Variants in LRBA observed in about 807,000 individuals in gnomAD.
LRBA encodes LPS responsive beige-like anchor protein.
LRBA carries 176 observed loss-of-function variants against 330.0 expected under a neutral mutation model. The ratio of observed to expected loss-of-function variants is 0.53; its 90% CI spans 0.47 to 0.60. The LOEUF (loss-of-function observed/expected upper bound fraction) is 0.60. LRBA is among the 20% of genes least tolerant of loss of function. The pLI, the probability that LRBA is intolerant of heterozygous loss-of-function variation, is 0.00. For missense variants in LRBA, 3,259 were observed against 3,444.8 expected, an observed-to-expected ratio of 0.95 and a Z score of 1.35; for synonymous variants, 1,230 against 1,193.0, an observed-to-expected ratio of 1.03 and a Z score of -0.64.
At chr4:150,891,747 TGTTTCCCTGGA>T (rs1729492289) in intron 17 of LRBA, among the ~76,000 whole-genome samples, 1 of 152,218 alleles carries the variant, frequency 6.6e-6, no homozygotes, top group Non-Finnish European at 1.5e-5. Context: ...CTATTGGTTC[TGTTTCCCTGGA>T]GAACTCTGAA....
intron 42 of LRBA, among the ~76,000 whole-genome samples, chr4:150,483,407 G>A (rs1206553817): frequency 6.7e-6 from 1 of 149,232 alleles, no homozygotes; most frequent in East Asian, 2.0e-4. Flanking sequence ...TAAGTCTTTT[G>A]TTTTTTTTTC....
intron 40 of LRBA, among the ~76,000 whole-genome samples, chr4:150,523,878 T>A (rs1420234987): frequency 2.0e-5 from 3 of 152,130 alleles, no homozygotes; most frequent in Non-Finnish European, 4.4e-5. Context: ...ACAATCTCTG[T>A]CACTTCTGGG....
chr4:150,911,802 C>T (rs892940391), intron 9 of LRBA, among the ~76,000 whole-genome samples: 10 of 152,118 alleles, frequency 6.6e-5, no homozygotes, highest in African/African-American at 2.4e-4. Context: ...GAGCATTCTC[C>T]AGTGAAGCCA....
chr4:150,397,156 C>A (rs1744845791), intron 47 of LRBA, among the ~76,000 whole-genome samples: 1 of 152,040 alleles, frequency 6.6e-6, no homozygotes, highest in South Asian at 2.1e-4. Flanking sequence ...CTAAATTTTT[C>A]TTTTCTCCGA....
rs1255278963 is a variant in LRBA, at chr4:150,914,351, A to G, written c.1015-10T>C. ...AACATTTGTCAAAGGTCTGTAAAAG[A>G]AAAAAAAAAAGGAATTAGGAAAAAA... On this transcript the variant is annotated splice_polypyrimidine_tract_variant and intron_variant, in intron 8 of 56. Coordinates refer to ENST00000651943, the MANE Select transcript of LRBA (RefSeq NM_001364905.1). 1 of 763,166 alleles carries G rather than the reference A, an allele frequency of 1.3e-6. No individual in the cohort carries two copies. The allele number at this position is 763,166 out of a possible 1,614,324, so 47.3% of individuals were successfully genotyped here. A position where few individuals can be genotyped will look rare whatever the true frequency, so the allele number is the denominator to read the frequency against.
At chr4:150,342,421 T>C (rs1735716256) in intron 48 of LRBA, among the ~76,000 whole-genome samples, 1 of 152,174 alleles carries the variant, frequency 6.6e-6, no homozygotes, top group Non-Finnish European at 1.5e-5. Flanking sequence ...AAGACTATAT[T>C]CTTAAGTTGG....
At chr4:150,914,068 G>T in intron 9 of LRBA, 127 bp downstream of exon 9, 3 of 648,252 alleles carry the variant, frequency 4.6e-6, no homozygotes, top group Non-Finnish European at 7.8e-6. Flanking sequence ...CCCTGCTGTG[G>T]TATCAAATAG....
chr4:150,887,769 AAAAAAAAAAAAAAAAAAGAAAG>A (rs1316780938), intron 17 of LRBA, among the ~76,000 whole-genome samples: 4 of 4,736 alleles, frequency 8.4e-4, no homozygotes, highest in Non-Finnish European at 4.4e-3. Context: ...ACTCCGTCTC[AAAAAAAAAAAAAAAAAAGAAAG>A]AAAAAAAAAA....
chr4:150,569,007 C>T (rs527927110), intron 40 of LRBA, among the ~76,000 whole-genome samples: 46 of 152,270 alleles, frequency 3.0e-4, no homozygotes, highest in African/African-American at 1.1e-3. Flanking sequence ...CCTTCCCATG[C>T]CTCAGTTTCT....
At chr4:150,614,687 A>T (rs760854726) in intron 37 of LRBA, among the ~76,000 whole-genome samples, 1 of 152,206 alleles carries the variant, frequency 6.6e-6, no homozygotes, top group African/African-American at 2.4e-5. Context: ...CAAAGTCCTA[A>T]AGCTAAGTGT....
chr4:150,359,749 A>G (rs1581108982), intron 47 of LRBA, among the ~76,000 whole-genome samples: 1 of 151,950 alleles, frequency 6.6e-6, no homozygotes, highest in Non-Finnish European at 1.5e-5. Context: ...GGGAGGCCGA[A>G]GCGGGTGGAT....
Position 150,455,109 on chromosome 4 carries a change from A to G in LRBA, c.6780+12564T>C, listed in dbSNP as rs186181494. On this transcript the variant is annotated intron_variant, in intron 44 of 56. Transcript: ENST00000651943. Reference sequence around the variant, plus strand: ...CATCTAGCATTAGGTATATCTCCCAATGCTATCCCCTCCCCCACCCCCACC... The same window carrying G: ...CATCTAGCATTAGGTATATCTCCCAGTGCTATCCCCTCCCCCACCCCCACC... Among the ~76,000 whole-genome samples the G allele has an allele frequency of 2.0e-5, 3 of 150,240 alleles. No individual in the cohort carries two copies. In the East Asian group the frequency reaches 5.9e-4, roughly 30 times the overall value.
intron 40 of LRBA, 77 bp from the exon 41 acceptor site, chr4:150,491,112 GAAAAGACCCTATTAAGA>G: frequency 1.7e-6 from 1 of 601,458 alleles, no homozygotes; most frequent in South Asian, 3.7e-5. Context: ...AATTAAAATA[GAAAAGACCCTATTAAGA>G]AAAATAATTT....
intron 37 of LRBA, among the ~76,000 whole-genome samples, chr4:150,637,087 A>T (rs972195854): frequency 3.3e-5 from 5 of 152,178 alleles, no homozygotes; most frequent in East Asian, 1.9e-4. Context: ...TTTCTACAGT[A>T]AAAATATATT....
chr4:150,625,545 A>T (rs1479873769), intron 37 of LRBA, among the ~76,000 whole-genome samples: 1 of 152,072 alleles, frequency 6.6e-6, no homozygotes, highest in Non-Finnish European at 1.5e-5. Flanking sequence ...GTTCACAAAC[A>T]ATCTTGGGTT....
Position 150,908,338 on chromosome 4 carries a change from T to C in LRBA, c.1489A>G (p.Ile497Val), listed in dbSNP as rs1731574648. Reference protein sequence around the residue: ...QYLSDEIDLTICSTLLAFIME... With the variant: ...QYLSDEIDLTVCSTLLAFIME... ...GAAACAAATAAAGGCACTCACCATATAGTCAAATCAATCTCATCAGACAAA... is the reference window on the plus strand; with the variant it reads ...GAAACAAATAAAGGCACTCACCATACAGTCAAATCAATCTCATCAGACAAA... Residue 497 changes from isoleucine to valine, a missense_variant, in exon 11 of 57, where the codon ATA (isoleucine) becomes GTA (valine). Ile to Val is a conservative substitution (Grantham distance 29, BLOSUM62 3). Transcript: ENST00000651943. 6.2e-7 allele frequency: 1 copy of C among 1,608,402 alleles called. No homozygotes were observed. Among genetic ancestry groups the C allele is most frequent in the Non-Finnish European group, 8.5e-7 (1 of 1,178,844 alleles).
chr4:150,742,357 A>G (rs1379256810), intron 35 of LRBA, among the ~76,000 whole-genome samples: 1 of 151,944 alleles, frequency 6.6e-6, no homozygotes, highest in Non-Finnish European at 1.5e-5. Context: ...TATGTTGCCT[A>G]TATTGGTCTC....
chr4:150,501,281 T>A (rs1227206863), intron 40 of LRBA, among the ~76,000 whole-genome samples: 5 of 152,144 alleles, frequency 3.3e-5, no homozygotes, highest in African/African-American at 1.2e-4. Flanking sequence ...CTGAAGAGAC[T>A]GACTGATGGA....
chr4:150,292,902 T>C (rs1728498657), intron 53 of LRBA, among the ~76,000 whole-genome samples: 1 of 152,108 alleles, frequency 6.6e-6, no homozygotes, highest in African/African-American at 2.4e-5. Context: ...ATAATTAACA[T>C]GCTTAAAGAC....
Sources: allele counts gnomAD v4.1 joint callset (sites outside exome capture counted in the v4.1 genomes callset), GRCh38; gene constraint gnomAD v4.1.1; transcripts MANE v1.5; gene names NCBI Gene and HGNC (gene_info 2026-07-23, HGNC 2026-07-21).